The following TDRD12 variants were observed in gnomAD, a reference collection of about 807,000 sequenced individuals.
The protein encoded by TDRD12 is tudor domain containing 12, also known as putative ATP-dependent RNA helicase TDRD12.
A neutral mutation model predicts 133.5 loss-of-function variants in TDRD12; 158 were observed. The observed-to-expected ratio is 1.18, with a 90% CI of 1.04 to 1.35. The LOEUF is 1.35. TDRD12 is among the 40% of genes most tolerant of loss of function. The pLI, the probability that TDRD12 is intolerant of heterozygous loss-of-function variation, is 0.00. For missense variants in TDRD12, 1,443 were observed against 1,321.3 expected (o/e 1.09, Z -1.43); for synonymous variants, 460 against 477.9 (o/e 0.96, Z 0.49).
At chr19:32,812,381 C>T (rs1386222155) in intron 24 of TDRD12, among the ~76,000 whole-genome samples, 2 of 152,128 alleles carry the variant, frequency 1.3e-5, no homozygotes, top group African/African-American at 2.4e-5. Flanking sequence ...TTGCATAATT[C>T]GACAAATGGG....
intron 8 of TDRD12, among the ~76,000 whole-genome samples, chr19:32,767,707 A>G (rs2145584557): frequency 6.6e-6 from 1 of 152,144 alleles, no homozygotes; most frequent in Non-Finnish European, 1.5e-5. Flanking sequence ...AGGGGGTACA[A>G]CTCAGAGGTT....
intron 4 of TDRD12, among the ~76,000 whole-genome samples, chr19:32,746,874 C>CTGTG (rs200638751): frequency 1.5e-5 from 2 of 135,656 alleles, no homozygotes; most frequent in South Asian, 2.5e-4. Flanking sequence ...TGTGGTTATT[C>CTGTG]TGTGTGTGTG....
chr19:32,766,738 C>T (rs2098008745), intron 8 of TDRD12, among the ~76,000 whole-genome samples: 2 of 151,984 alleles, frequency 1.3e-5, no homozygotes, highest in Admixed American at 1.3e-4. Flanking sequence ...CCTTAGCCTC[C>T]CGAGTAGCTG....
At chr19:32,729,778 CTTTTTTTTTTTTTTT>C (rs1162347194) in intron 1 of TDRD12, among the ~76,000 whole-genome samples, 2 of 73,660 alleles carry the variant, frequency 2.7e-5, no homozygotes, top group African/African-American at 1.2e-4. Flanking sequence ...TTTTCTTTTT[CTTTTTTTTTTTTTTT>C]TTTTTTTTTT....
chr19:32,815,938 G>C (rs578250008), intron 26 of TDRD12, among the ~76,000 whole-genome samples: 1 of 151,852 alleles, frequency 6.6e-6, no homozygotes, highest in Non-Finnish European at 1.5e-5. Flanking sequence ...AGGTTGCAGC[G>C]AGCCAAGATC....
intron 4 of TDRD12, among the ~76,000 whole-genome samples, chr19:32,743,530 G>C (rs1969499427): frequency 6.6e-6 from 1 of 152,078 alleles, no homozygotes; most frequent in East Asian, 1.9e-4. Context: ...TTCCAGGCAT[G>C]AACCACTGTG....
chr19:32,764,067 T>G (rs1417224081), intron 8 of TDRD12, among the ~76,000 whole-genome samples: 1 of 151,642 alleles, frequency 6.6e-6, no homozygotes, highest in Non-Finnish European at 1.5e-5. Context: ...TCTTGGAGAT[T>G]CTAATTGCTT....
Position 32,801,815 on chromosome 19 carries a change from AC to A in TDRD12, c.2140del (p.Gln714LysfsTer4). ...TGCATAAAGAAATGATTTTTAACTT[AC>A]AAAATGTTTTAGAACAGTGGAAGAA... On this transcript the variant is annotated frameshift_variant, in exon 19 of 28. Transcript: ENST00000444215. LOFTEE classifies it high-confidence loss of function. The A allele has an allele frequency of 6.8e-7, 1 of 1,478,424 alleles. No individual in the cohort carries two copies. Among genetic ancestry groups the A allele is most frequent in the South Asian group, 1.3e-5 (1 of 79,708 alleles). The allele number at this position is 1,478,424 out of a possible 1,614,324, so 91.6% of individuals were successfully genotyped here.
intron 11 of TDRD12, among the ~76,000 whole-genome samples, chr19:32,783,549 T>C (rs1970826423): frequency 1.3e-5 from 2 of 152,176 alleles, no homozygotes; most frequent in Non-Finnish European, 2.9e-5. Context: ...ATAAATTACT[T>C]TGGGCAGTAA....
chr19:32,775,116 C>T (rs1970544045), intron 10 of TDRD12, among the ~76,000 whole-genome samples: 1 of 152,044 alleles, frequency 6.6e-6, no homozygotes, highest in Admixed American at 6.6e-5. Context: ...TTTTTTTCTG[C>T]ACCAATCTTT....
chr19:32,811,597 G>T (rs948008904), intron 24 of TDRD12, among the ~76,000 whole-genome samples, 177 bp downstream of exon 24: 5 of 152,180 alleles, frequency 3.3e-5, no homozygotes, highest in African/African-American at 1.2e-4. Flanking sequence ...GAGGTACCAG[G>T]CAGCTGCAAC....
chr19:32,724,402 G>T (rs1477944955), intron 1 of TDRD12, among the ~76,000 whole-genome samples: 1 of 152,016 alleles, frequency 6.6e-6, no homozygotes, highest in African/African-American at 2.4e-5. Context: ...ATAGGCCCCA[G>T]TGTGTGGTTC....
At chr19:32,821,885 G>A (rs574836433), downstream of TDRD12, among the ~76,000 whole-genome samples, 7 of 152,280 alleles carry the variant, frequency 4.6e-5, no homozygotes, top group Middle Eastern at 6.8e-3. Context: ...GGCTGACCTC[G>A]GCCAGGCTAA....
At position 32,731,978 on chromosome 19, in the gene TDRD12, ATT is replaced by A; in HGVS notation, c.183+98_183+99del. ...CGATGATGATTCAAGCTTTTAGAGT[ATT>A]TTAGTTTCTTACACTCAGTGCCTTG... On this transcript the variant is annotated intron_variant, in intron 2 of 27. Transcript: ENST00000444215. The A allele has an allele frequency of 4.6e-6, 6 of 1,306,658 alleles. No individual in the cohort carries two copies. In the South Asian group the frequency reaches 1.0e-4, roughly 22 times the overall value. The allele number at this position is 1,306,658 out of a possible 1,614,324, so 80.9% of individuals were successfully genotyped here. A position where few individuals can be genotyped will look rare whatever the true frequency, so the allele number is the denominator to read the frequency against.
chr19:32,766,897 G>T (rs894071006), intron 8 of TDRD12, among the ~76,000 whole-genome samples: 2 of 152,026 alleles, frequency 1.3e-5, no homozygotes, highest in Admixed American at 6.5e-5. Flanking sequence ...TTACAGGCAC[G>T]AGCCACCATG....
chr19:32,827,382 T>TC, exon 10 of TDRD12: 2 of 369,470 alleles, frequency 5.4e-6, no homozygotes, highest in Non-Finnish European at 3.5e-6. Flanking sequence ...CTTTTTTTTT[T>TC]TTTTTTTTTT....
At chr19:32,753,072 G>A (rs59092390) in intron 6 of TDRD12, among the ~76,000 whole-genome samples, 7 of 152,036 alleles carry the variant, frequency 4.6e-5, no homozygotes, top group East Asian at 1.9e-4. Context: ...GATTACAGGC[G>A]TGAGCCACCG....
intron 11 of TDRD12, among the ~76,000 whole-genome samples, chr19:32,777,795 C>A (rs570702029): frequency 8.4e-6 from 1 of 119,644 alleles, no homozygotes; most frequent in South Asian, 2.8e-4. Flanking sequence ...TAGGCATGCA[C>A]CACCATAACT....
intron 10 of TDRD12, among the ~76,000 whole-genome samples, chr19:32,774,334 G>A (rs1970521638): frequency 6.6e-6 from 1 of 152,082 alleles, no homozygotes; most frequent in African/African-American, 2.4e-5. Flanking sequence ...TTACCTGTGT[G>A]GTTGCATTGG....
Sources: gnomAD v4.1 joint callset for allele counts (sites outside exome capture counted in the v4.1 genomes callset) on GRCh38, gnomAD v4.1.1 for gene constraint, MANE v1.5 for transcripts, NCBI Gene and HGNC (gene_info 2026-07-23, HGNC 2026-07-21) for gene names.